PELI2: variants seen among roughly 807,000 people sequenced by gnomAD.
The protein encoded by PELI2 is pellino E3 ubiquitin protein ligase family member 2, also known as E3 ubiquitin-protein ligase pellino homolog 2.
In PELI2, 23 loss-of-function variants were observed where a neutral mutation model predicts 42.3. The observed-to-expected ratio is 0.54, with a 90% CI of 0.39 to 0.77. The LOEUF (loss-of-function observed/expected upper bound fraction) is 0.77. Among genes scored for constraint, PELI2 ranks in the 30% least tolerant of loss-of-function variants. The pLI, the probability that PELI2 is intolerant of heterozygous loss-of-function variation, is 0.00. For missense variants in PELI2, 463 were observed against 553.2 expected (o/e 0.84, Z 1.64); for synonymous variants, 245 against 212.2 (o/e 1.15, Z -1.34).
At chr14:56,234,063 A>C (rs576975135) in intron 2 of PELI2, among the ~76,000 whole-genome samples, 2 of 152,354 alleles carry the variant, frequency 1.3e-5, no homozygotes, top group Admixed American at 6.5e-5. Context: ...ACCATCTCAC[A>C]CCAGTTAGAA....
At chr14:56,209,054 A>C (rs996207777) in intron 2 of PELI2, among the ~76,000 whole-genome samples, 4 of 152,230 alleles carry the variant, frequency 2.6e-5, no homozygotes. Flanking sequence ...TGATATTTTG[A>C]TAAGTATAAT....
rs190436870 is a variant in PELI2, at chr14:56,144,854, A to T, written c.77+26117A>T. On this transcript the variant is annotated intron_variant, in intron 1 of 5. Coordinates refer to ENST00000267460, the MANE Select transcript of PELI2 (RefSeq NM_021255.3). ...TTACCCTGTAATCTCAGCACTTAGT[A>T]TGGGGCCTTGTACAGGAATAAAAGG... 1.0e-5 allele frequency: 4 copies of T among 401,808 alleles called. No individual in the cohort carries two copies. In the East Asian group the frequency reaches 4.9e-4, roughly 49 times the overall value. The allele number at this position is 401,808 out of a possible 1,614,324, so 24.9% of individuals were successfully genotyped here.
At chr14:56,240,489 C>CCG (rs1887934095) in intron 2 of PELI2, among the ~76,000 whole-genome samples, 1 of 151,970 alleles carries the variant, frequency 6.6e-6, no homozygotes, top group African/African-American at 2.4e-5. Context: ...GGTGCAGTTA[C>CCG]GGGGGTGAAT....
chr14:56,164,354 A>G (rs949777636), intron 1 of PELI2, among the ~76,000 whole-genome samples: 1 of 152,086 alleles, frequency 6.6e-6, no homozygotes, highest in East Asian at 1.9e-4. Flanking sequence ...ATTGATTTGC[A>G]TATGTTGAAC....
At chr14:56,253,870 A>AG (rs1283020826) in intron 2 of PELI2, among the ~76,000 whole-genome samples, 2 of 152,230 alleles carry the variant, frequency 1.3e-5, no homozygotes, top group Non-Finnish European at 2.9e-5. Context: ...GAACAAAAAA[A>AG]GAGCCCAGAT....
intron 3 of PELI2, among the ~76,000 whole-genome samples, chr14:56,283,199 T>C (rs915154272): frequency 1.3e-5 from 2 of 152,238 alleles, no homozygotes; most frequent in African/African-American, 4.8e-5. Flanking sequence ...TTCCCTCTCA[T>C]CTCTGCAGAA....
Position 56,298,952 on chromosome 14 carries a change from A to G in PELI2, c.*1786A>G, listed in dbSNP as rs1445517152. On this transcript the variant is annotated 3_prime_UTR_variant, in exon 6 of 6. Transcript: ENST00000267460. ...ACTCTACCTGCAGACAGAAAATGAA[A>G]GAAAAAAATGGACTTGCCTAGAATA... The G allele has an allele frequency of 1.3e-5, 2 of 152,234 alleles. No individual in the cohort carries two copies. The highest frequency in any genetic ancestry group is 4.8e-5 in the African/African-American group (2 of 41,450). 9.4% of individuals were successfully genotyped at this position (152,234 alleles called of 1,614,324 possible). A position where few individuals can be genotyped will look rare whatever the true frequency, so the allele number is the denominator to read the frequency against.
At chr14:56,198,524 T>C (rs1268070031) in intron 2 of PELI2, among the ~76,000 whole-genome samples, 1 of 152,112 alleles carries the variant, frequency 6.6e-6, no homozygotes, top group African/African-American at 2.4e-5. Flanking sequence ...GGGACTTAGA[T>C]TTGACCACTT....
At chr14:56,228,466 A>G (rs1319832602) in intron 2 of PELI2, among the ~76,000 whole-genome samples, 1 of 152,166 alleles carries the variant, frequency 6.6e-6, no homozygotes, top group Non-Finnish European at 1.5e-5. Flanking sequence ...TCTTTTATTT[A>G]TTTTTATTTT....
intron 2 of PELI2, among the ~76,000 whole-genome samples, chr14:56,184,326 A>G (rs949125905): frequency 2.0e-5 from 3 of 152,076 alleles, no homozygotes; most frequent in Non-Finnish European, 2.9e-5. Context: ...CAAATACAGG[A>G]AACTGTGATG....
At chr14:56,145,608 A>G (rs193130555) in intron 1 of PELI2, among the ~76,000 whole-genome samples, 5 of 152,332 alleles carry the variant, frequency 3.3e-5, no homozygotes, top group Admixed American at 3.3e-4. Flanking sequence ...AAGCTCCAAA[A>G]TAGATTAGCC....
At chr14:56,217,995 C>CTT (rs1408778568) in intron 2 of PELI2, among the ~76,000 whole-genome samples, 2 of 152,184 alleles carry the variant, frequency 1.3e-5, no homozygotes, top group African/African-American at 2.4e-5. Flanking sequence ...TTCCTCCAAC[C>CTT]ACCTCATTAA....
intron 1 of PELI2, among the ~76,000 whole-genome samples, chr14:56,121,552 A>G (rs75476093): frequency 2.6e-4 from 40 of 152,284 alleles, no homozygotes; most frequent in African/African-American, 9.1e-4. Flanking sequence ...GAGAAAAATG[A>G]CTGGTCTAAC....
At chr14:56,268,984 G>C (rs1009573344) in intron 2 of PELI2, among the ~76,000 whole-genome samples, 8 of 152,190 alleles carry the variant, frequency 5.3e-5, no homozygotes, top group Admixed American at 2.0e-4. Flanking sequence ...GAAGAACTTT[G>C]AAAGTCCTGA....
Position 56,299,647 on chromosome 14 carries a change from A to G in PELI2, c.*2481A>G, listed in dbSNP as rs1210652376. ...CAGTTGAGTTAGTTTGTGAAAATAA[A>G]GAACTCTGTAGCTCACCAAGGTGGA... On this transcript the variant is annotated 3_prime_UTR_variant, in exon 6 of 6. Coordinates refer to ENST00000267460, the MANE Select transcript of PELI2 (RefSeq NM_021255.3). The G allele has an allele frequency of 1.3e-5, 2 of 152,218 alleles. No individual in the cohort carries two copies. Among genetic ancestry groups the G allele is most frequent in the African/African-American group, 4.8e-5 (2 of 41,448 alleles). 9.4% of individuals were successfully genotyped at this position (152,218 alleles called of 1,614,324 possible).
At chr14:56,143,414 TG>T (rs1883989739) in intron 1 of PELI2, among the ~76,000 whole-genome samples, 1 of 152,256 alleles carries the variant, frequency 6.6e-6, no homozygotes, top group Non-Finnish European at 1.5e-5. Flanking sequence ...ATAAATATCT[TG>T]GGGGAGACAC....
intron 2 of PELI2, among the ~76,000 whole-genome samples, chr14:56,190,073 T>TA (rs1375568658): frequency 6.6e-6 from 1 of 152,226 alleles, no homozygotes; most frequent in Non-Finnish European, 1.5e-5. Context: ...TTTTTCGAAT[T>TA]AGAGTTGGAC....
At position 56,126,105 on chromosome 14, in the gene PELI2, CTTTT is replaced by C. The variant is rs750766710; in HGVS notation, c.77+7370_77+7373del. Among the ~76,000 whole-genome samples, 146 of 152,268 alleles carry C rather than the reference CTTTT, an allele frequency of 9.6e-4. 1 individual carries two copies. In the Middle Eastern group the frequency reaches 0.014, roughly 14 times the overall value. On this transcript the variant is annotated intron_variant, in intron 1 of 5. Transcript: ENST00000267460. ...CCAGTTTCAACTTTTGTTTGTTTTTCTTTTTGTCAGTCACCTAGCAGTCATGTTG... is the reference window on the plus strand; with the variant it reads ...CCAGTTTCAACTTTTGTTTGTTTTTCTGTCAGTCACCTAGCAGTCATGTTG...
chr14:56,281,511 C>G lies in PELI2; in HGVS notation c.309+1734C>G, dbSNP rs576108241. On this transcript the variant is annotated intron_variant, in intron 3 of 5. Coordinates refer to ENST00000267460, the MANE Select transcript of PELI2 (RefSeq NM_021255.3). ...TAACATTGTAAAGTACAGGCCTAAT[C>G]TGGATCACCTAATTCAGTACTTTTG... Among the ~76,000 whole-genome samples the G allele has an allele frequency of 2.6e-5, 4 of 152,208 alleles. No individual in the cohort carries two copies. In the East Asian group the frequency reaches 7.7e-4, roughly 29 times the overall value.
Sources: gnomAD v4.1 joint callset for allele counts (sites outside exome capture counted in the v4.1 genomes callset) on GRCh38, gnomAD v4.1.1 for gene constraint, MANE v1.5 for transcripts, NCBI Gene and HGNC (gene_info 2026-07-23, HGNC 2026-07-21) for gene names.